ARHGAP15: variants seen among roughly 807,000 people sequenced by gnomAD.
The protein encoded by ARHGAP15 is Rho GTPase activating protein 15, also known as rho GTPase-activating protein 15.
In ARHGAP15, 51 loss-of-function variants were observed where a neutral mutation model predicts 63.7. The observed-to-expected ratio is 0.80, with a 90% confidence interval of 0.64 to 1.01. ARHGAP15 has a LOEUF of 1.01. Among genes scored for constraint, ARHGAP15 ranks in the 50% least tolerant of loss-of-function variants. ARHGAP15 has a pLI of 0.00. For synonymous variants in ARHGAP15, 191 were observed against 193.8 expected, an observed-to-expected ratio of 0.99 and a Z score of 0.12; for missense variants, 560 against 564.6, an observed-to-expected ratio of 0.99 and a Z score of 0.08.
intron 6 of ARHGAP15, among the ~76,000 whole-genome samples, chr2:143,428,233 A>G (rs994921078): frequency 1.3e-5 from 2 of 152,160 alleles, no homozygotes; most frequent in Non-Finnish European, 1.5e-5. Context: ...GGCAGCAGGA[A>G]CAACCTGCTC....
intron 6 of ARHGAP15, among the ~76,000 whole-genome samples, chr2:143,383,570 T>C (rs1047803728): frequency 1.3e-4 from 20 of 152,212 alleles, no homozygotes; most frequent in African/African-American, 4.8e-4. Context: ...CACAATAATT[T>C]GTATAACATT....
At chr2:143,721,303 G>A (rs1484317178) in intron 13 of ARHGAP15, among the ~76,000 whole-genome samples, 4 of 152,134 alleles carry the variant, frequency 2.6e-5, no homozygotes, top group Non-Finnish European at 5.9e-5. Flanking sequence ...GAATTATCAG[G>A]TTTGCATCAT....
chr2:143,314,046 GA>G (rs1683582032), intron 6 of ARHGAP15, among the ~76,000 whole-genome samples: 1 of 150,836 alleles, frequency 6.6e-6, no homozygotes, highest in African/African-American at 2.4e-5. Flanking sequence ...TGCTACTCTA[GA>G]AAGCACATGG....
chr2:143,437,110 A>C, intron 8 of ARHGAP15, 68 bp downstream of exon 8: 1 of 1,494,468 alleles, frequency 6.7e-7, no homozygotes, highest in Non-Finnish European at 9.0e-7. Flanking sequence ...ATATAAATGC[A>C]TTGAAATGAG....
At chr2:143,531,544 C>G in intron 10 of ARHGAP15, among the ~76,000 whole-genome samples, 1 of 152,118 alleles carries the variant, frequency 6.6e-6, no homozygotes, top group Non-Finnish European at 1.5e-5. Context: ...ATCCAACATG[C>G]AAACTTCAAT....
chr2:143,195,452 T>C (rs1404937267), intron 2 of ARHGAP15, among the ~76,000 whole-genome samples: 2 of 152,116 alleles, frequency 1.3e-5, no homozygotes, highest in Non-Finnish European at 2.9e-5. Context: ...AAATTTTACA[T>C]GTGTCCACAA....
chr2:143,760,643 G>A (rs931758002), intron 13 of ARHGAP15, among the ~76,000 whole-genome samples: 2 of 152,094 alleles, frequency 1.3e-5, no homozygotes, highest in Non-Finnish European at 1.5e-5. Flanking sequence ...AATTCATGCA[G>A]AGGTTCAATA....
chr2:143,432,124 A>G (rs1371550561), intron 6 of ARHGAP15, among the ~76,000 whole-genome samples: 1 of 152,074 alleles, frequency 6.6e-6, no homozygotes, highest in Admixed American at 6.6e-5. Context: ...AGCTATGCAT[A>G]ATTTTGATTC....
intron 2 of ARHGAP15, among the ~76,000 whole-genome samples, chr2:143,174,613 A>T (rs1245534433): frequency 6.6e-6 from 1 of 152,152 alleles, no homozygotes; most frequent in African/African-American, 2.4e-5. Flanking sequence ...GATTTTTAAC[A>T]ATTTATTCAT....
At chr2:143,693,855 AT>A (rs985831295) in intron 12 of ARHGAP15, among the ~76,000 whole-genome samples, 2 of 152,194 alleles carry the variant, frequency 1.3e-5, no homozygotes, top group Admixed American at 6.5e-5. Flanking sequence ...ATAAGAACAT[AT>A]TTCCAAGCTA....
Position 143,259,626 on chromosome 2 carries a change from C to A in ARHGAP15, c.474+9026C>A, listed in dbSNP as rs532375657. ...CTGATTCGGTTTGACTGGGTGCTCTCGGGAGGTATTTAAAGAAGAGCTTTA... is the reference window on the plus strand; with the variant it reads ...CTGATTCGGTTTGACTGGGTGCTCTAGGGAGGTATTTAAAGAAGAGCTTTA... On this transcript the variant is annotated intron_variant, in intron 6 of 13. Transcript: ENST00000295095. Among the ~76,000 whole-genome samples the A allele has an allele frequency of 6.6e-5, 10 of 152,146 alleles. No individual in the cohort carries two copies. In the East Asian group the frequency reaches 1.9e-3, roughly 29 times the overall value.
At chr2:143,337,886 TTC>T (rs1012792402) in intron 6 of ARHGAP15, among the ~76,000 whole-genome samples, 1 of 152,192 alleles carries the variant, frequency 6.6e-6, no homozygotes, top group Non-Finnish European at 1.5e-5. Context: ...TATTTAGTAA[TTC>T]TCTGACTTTT....
chr2:143,302,462 C>T (rs1351159260), intron 6 of ARHGAP15, among the ~76,000 whole-genome samples: 4 of 151,962 alleles, frequency 2.6e-5, no homozygotes. Context: ...TTGAAAATTT[C>T]AGTCCAATGT....
intron 12 of ARHGAP15, among the ~76,000 whole-genome samples, chr2:143,653,273 T>A (rs1396011727): frequency 2.0e-5 from 3 of 152,124 alleles, no homozygotes; most frequent in Admixed American, 2.0e-4. Flanking sequence ...AAAATTTTCT[T>A]TAGAATTTTC....
Position 143,213,283 on chromosome 2 carries a change from G to A in ARHGAP15, c.235-3101G>A, listed in dbSNP as rs1046754106. On this transcript the variant is annotated intron_variant, in intron 3 of 13. Transcript: ENST00000295095. The stretch of plus-strand genomic sequence containing the variant: ...AATCCCAGCACTTTGGGAGGCCGAG[G>A]TGGGTGGATCACCTGAGGTCGAGAG... 9.9e-5 allele frequency among the ~76,000 whole-genome samples: 15 copies of A among 152,148 alleles called. 1 individual carries two copies. The highest frequency in any genetic ancestry group is 2.6e-4 in the Admixed American group (4 of 15,286).
At chr2:143,325,781 G>T (rs1458775226) in intron 6 of ARHGAP15, among the ~76,000 whole-genome samples, 2 of 151,992 alleles carry the variant, frequency 1.3e-5, no homozygotes, top group Non-Finnish European at 2.9e-5. Context: ...TTCTATGTTG[G>T]TTATACTTTC....
intron 6 of ARHGAP15, among the ~76,000 whole-genome samples, chr2:143,352,374 TCTA>T (rs1685610269): frequency 6.6e-6 from 1 of 152,196 alleles, no homozygotes; most frequent in Admixed American, 6.5e-5. Context: ...TTCTCTACCT[TCTA>T]GAGTCATTGA....
intron 6 of ARHGAP15, among the ~76,000 whole-genome samples, chr2:143,289,039 C>A (rs1418958796): frequency 6.6e-6 from 1 of 152,026 alleles, no homozygotes; most frequent in Non-Finnish European, 1.5e-5. Flanking sequence ...TCAACATTCA[C>A]CCCTGATGAA....
chr2:143,455,078 C>T (rs542484696), intron 8 of ARHGAP15, among the ~76,000 whole-genome samples: 40 of 152,010 alleles, frequency 2.6e-4, no homozygotes, highest in Non-Finnish European at 3.2e-4. Flanking sequence ...CAGAGTAAAG[C>T]AAAAGCAAGA....
Sources: gnomAD v4.1 joint callset for allele counts (sites outside exome capture counted in the v4.1 genomes callset) on GRCh38, gnomAD v4.1.1 for gene constraint, MANE v1.5 for transcripts, NCBI Gene and HGNC (gene_info 2026-07-23, HGNC 2026-07-21) for gene names.